Variants in HIF3A observed in about 807,000 individuals in gnomAD.
HIF3A encodes the protein hypoxia-inducible factor 3-alpha.
Under a neutral mutation model 67.2 loss-of-function variants are expected in HIF3A, and 41 were observed. The ratio of observed to expected loss-of-function variants is 0.61; its 90% CI spans 0.48 to 0.79. The LOEUF is 0.79. Ranked by LOEUF, HIF3A falls within the 30% of genes least tolerant of loss-of-function variation. The pLI, the probability that HIF3A is intolerant of heterozygous loss-of-function variation, is 0.00. For synonymous variants in HIF3A, 356 were observed against 374.8 expected, an observed-to-expected ratio of 0.95 and a Z score of 0.58; for missense variants, 855 against 898.0, an observed-to-expected ratio of 0.95 and a Z score of 0.61.
At chr19:46,301,032 G>T (rs911529575) in intron 1 of HIF3A, among the ~76,000 whole-genome samples, 8 of 152,096 alleles carry the variant, frequency 5.3e-5, no homozygotes, top group Non-Finnish European at 1.2e-4. Flanking sequence ...CACCCTCTGG[G>T]CAGGAAGACA....
chr19:46,308,035 G>A (rs927913080), intron 3 of HIF3A, among the ~76,000 whole-genome samples, 186 bp from the exon 4 acceptor site: 1 of 151,974 alleles, frequency 6.6e-6, no homozygotes. Flanking sequence ...CCTGGCACTT[G>A]GTATGCGCTG....
At chr19:46,305,670 G>A (rs143392030) in intron 3 of HIF3A, among the ~76,000 whole-genome samples, 8 of 152,212 alleles carry the variant, frequency 5.3e-5, no homozygotes, top group South Asian at 2.1e-4. Flanking sequence ...GAACTTAGCC[G>A]GTCAAAGGGT....
chr19:46,302,168 C>T (rs753450950), intron 1 of HIF3A, among the ~76,000 whole-genome samples: 2 of 151,898 alleles, frequency 1.3e-5, no homozygotes, highest in African/African-American at 2.4e-5. Context: ...CTCACTCTGT[C>T]GCCCAGGCTG....
chr19:46,320,429 G>A lies in HIF3A; in HGVS notation c.1026-14G>A, dbSNP rs771163155. ...CTCCCTGACTCCCACCTCCCTTTCT[G>A]CCTTGTACCCCAGCCAGGTGGAAGA... On this transcript the variant is annotated splice_polypyrimidine_tract_variant and intron_variant, in intron 8 of 14. Coordinates refer to ENST00000377670, the MANE Select transcript of HIF3A (RefSeq NM_152795.4). 2 of 1,606,840 alleles carry A rather than the reference G, an allele frequency of 1.2e-6. No individual in the cohort carries two copies. Among genetic ancestry groups the A allele is most frequent in the South Asian group, 2.2e-5 (2 of 90,896 alleles).
intron 14 of HIF3A, among the ~76,000 whole-genome samples, chr19:46,336,339 A>C (rs543225282): frequency 6.7e-6 from 1 of 148,278 alleles, no homozygotes; most frequent in Non-Finnish European, 1.5e-5. Context: ...TGATCCGCCC[A>C]CCTCGGCCTC....
At chr19:46,321,732 TCA>T in intron 9 of HIF3A, 42 bp from the exon 10 acceptor site, 3 of 1,572,194 alleles carry the variant, frequency 1.9e-6, no homozygotes, top group Non-Finnish European at 2.6e-6. Flanking sequence ...CCCTTGGCCC[TCA>T]GTCACCAGCC....
chr19:46,338,032 C>T (rs1156255305), intron 14 of HIF3A, among the ~76,000 whole-genome samples: 3 of 152,162 alleles, frequency 2.0e-5, no homozygotes, highest in African/African-American at 7.2e-5. Flanking sequence ...TTCACGCACT[C>T]GCACTGTGCC....
intron 9 of HIF3A, 77 bp from the exon 10 acceptor site, chr19:46,321,698 TG>T: frequency 7.9e-7 from 1 of 1,273,136 alleles, no homozygotes; most frequent in Non-Finnish European, 1.1e-6. Flanking sequence ...ACTGTGTTCC[TG>T]GGGTTGGTAT....
rs759992379 is a variant in HIF3A at position 46,321,948 on chromosome 19, C to A, written c.1317C>A (p.His439Gln). The change falls in exon 10 of 15, where the codon CAC becomes CAA. Residue 439 changes from histidine (H) to glutamine (Q), a missense_variant. By Grantham distance (24) the His-to-Gln change is conservative (BLOSUM62 0). Coordinates refer to ENST00000377670, the MANE Select transcript of HIF3A (RefSeq NM_152795.4). ...ATPSTPLATR[H>Q]PQSPLSADLP... ...CCAGCACCCCGCTGGCCACACGGCA[C>A]CCCCAAAGTCCTCTTTCGGTAAGCC... The A allele has an allele frequency of 8.8e-5, 142 of 1,613,750 alleles. 1 individual carries two copies. The highest frequency in any genetic ancestry group is 1.1e-4 in the Non-Finnish European group (134 of 1,179,942).
rs192530485 is a variant in HIF3A at position 46,320,719 on chromosome 19, C to T, written c.1144+158C>T. Among the ~76,000 whole-genome samples, 773 of 152,308 alleles carry T rather than the reference C, an allele frequency of 5.1e-3. 7 individuals are homozygous for T. The highest frequency in any genetic ancestry group is 0.017 in the African/African-American group (703 of 41,560). ...CAAAACACACAGCCTCCTAAGAGCC[C>T]TTGGAACACTCCAGCCTCGTGCCTC... On this transcript the variant is annotated intron_variant, in intron 9 of 14. Coordinates refer to ENST00000377670, the MANE Select transcript of HIF3A (RefSeq NM_152795.4).
chr19:46,302,224 G>T (rs1361358603), intron 1 of HIF3A, among the ~76,000 whole-genome samples: 1 of 151,672 alleles, frequency 6.6e-6, no homozygotes, highest in African/African-American at 2.4e-5. Flanking sequence ...CCACCTCCCA[G>T]GTTCAAGCGA....
chr19:46,330,520 TTGGATGGATGG>T (rs1352290977), intron 12 of HIF3A, among the ~76,000 whole-genome samples: 1 of 145,282 alleles, frequency 6.9e-6, no homozygotes, highest in Non-Finnish European at 1.5e-5. Context: ...GGATGGATAG[TTGGATGGATGG>T]TGGATGGATG....
Position 46,300,164 on chromosome 19 carries a change from T to C in HIF3A, c.26+3062T>C, listed in dbSNP as rs112821388. On this transcript the variant is annotated intron_variant, in intron 1 of 14. Coordinates refer to ENST00000377670, the MANE Select transcript of HIF3A (RefSeq NM_152795.4). ...TTAATGGGTTCTCTAGCTCCGTGAG[T>C]GTTCAACACACCAATGCTATCATTA... 4.0e-3 allele frequency among the ~76,000 whole-genome samples: 605 copies of C among 152,290 alleles called. 2 individuals carry two copies. The highest frequency in any genetic ancestry group is 0.014 in the African/African-American group (578 of 41,546).
Position 46,297,134 on chromosome 19 carries a change from A to T in HIF3A, c.26+32A>T. On this transcript the variant is annotated intron_variant, in intron 1 of 14. Transcript: ENST00000377670. This position sits in a 1 kb window ranked among gnomAD's most constrained non-coding sequence, Gnocchi z 4.5. ...AAGTTCGGGGGCAGGAGTTCTGGGA[A>T]TTGGGGGGCTCTCCTCCTGGAGACC... 4 of 865,566 alleles carry T rather than the reference A, an allele frequency of 4.6e-6. No homozygotes were observed. Among genetic ancestry groups the T allele is most frequent in the Non-Finnish European group, 6.0e-6 (4 of 666,766 alleles). The allele number at this position is 865,566 out of a possible 1,614,324, so 53.6% of individuals were successfully genotyped here. A position where few individuals can be genotyped will look rare whatever the true frequency, so the allele number is the denominator to read the frequency against.
rs1737927841 is a variant in HIF3A at position 46,297,952 on chromosome 19, G to A, written c.26+850G>A. Among the ~76,000 whole-genome samples, 1 of 152,154 alleles carries A rather than the reference G, an allele frequency of 6.6e-6. No homozygotes were observed. The highest frequency in any genetic ancestry group is 1.5e-5 in the Non-Finnish European group (1 of 67,972). ...GCCCCCTGCCGCAGTACTCAGATGG[G>A]GTCATCCCGGGCAGAGGGTGGGTTT... On this transcript the variant is annotated intron_variant, in intron 1 of 14. Coordinates refer to ENST00000377670, the MANE Select transcript of HIF3A (RefSeq NM_152795.4). This position sits in a 1 kb window ranked among gnomAD's most constrained non-coding sequence, Gnocchi z 4.5.
intron 8 of HIF3A, among the ~76,000 whole-genome samples, chr19:46,315,968 T>C (rs751360574): frequency 2.7e-5 from 4 of 149,028 alleles, no homozygotes; most frequent in Non-Finnish European, 6.0e-5. Context: ...CGGTGGCTCA[T>C]GCCTGTAATC....
At chr19:46,313,641 A>T (rs889995544) in intron 8 of HIF3A, among the ~76,000 whole-genome samples, 2 of 150,754 alleles carry the variant, frequency 1.3e-5, no homozygotes, top group Non-Finnish European at 2.9e-5. Flanking sequence ...TGTGATTATA[A>T]TAGTGGTTAC....
At chr19:46,322,184 C>T (rs1970421488) in intron 10 of HIF3A, among the ~76,000 whole-genome samples, 1 of 152,170 alleles carries the variant, frequency 6.6e-6, no homozygotes, top group African/African-American at 2.4e-5. Context: ...GGGAAAAACT[C>T]TCTCAAGCTA....
chr19:46,303,459 G>A, intron 1 of HIF3A: 1 of 607,758 alleles, frequency 1.6e-6, no homozygotes, highest in Non-Finnish European at 2.9e-6. Context: ...CTGGGAAACT[G>A]CAGGGCAGGG....
Sources: allele counts gnomAD v4.1 joint callset (sites outside exome capture counted in the v4.1 genomes callset), GRCh38; gene constraint gnomAD v4.1.1; non-coding constraint Gnocchi (gnomAD v3.1); transcripts MANE v1.5; gene names NCBI Gene and HGNC (gene_info 2026-07-23, HGNC 2026-07-21).